The following ZNF592 variants were observed in gnomAD, a reference collection of about 807,000 sequenced individuals.
ZNF592 encodes zinc finger protein 592, also known as spinocerebellar ataxia, autosomal recessive 5.
A neutral mutation model predicts 80.3 loss-of-function variants in ZNF592; 11 were observed. That is an observed-to-expected ratio of 0.14 (90% confidence interval 0.09 to 0.23). The LOEUF (loss-of-function observed/expected upper bound fraction) is 0.23, where lower values mean the gene tolerates loss of function less well. Ranked by LOEUF, ZNF592 falls within the 10% of genes least tolerant of loss-of-function variation. The probability of loss-of-function intolerance (pLI) is 1.00; values close to 1 mark genes in which losing one functional copy is unlikely to be tolerated. For missense variants in ZNF592, 1,420 were observed against 1,633.9 expected (o/e 0.87, Z 2.26); for synonymous variants, 646 against 640.3 (o/e 1.01, Z -0.13).
intron 2 of ZNF592, among the ~76,000 whole-genome samples, chr15:84,767,273 G>A (rs941656381): frequency 1.3e-5 from 2 of 152,096 alleles, no homozygotes; most frequent in East Asian, 1.9e-4. Flanking sequence ...CGATCCGCCC[G>A]CCTCGGCCTC....
At chr15:84,756,633 T>G (rs1403279741) in intron 1 of ZNF592, among the ~76,000 whole-genome samples, 1 of 152,242 alleles carries the variant, frequency 6.6e-6, no homozygotes, top group Non-Finnish European at 1.5e-5. Context: ...GCCTTTGTGC[T>G]GTTATCCTCC....
intron 1 of ZNF592, among the ~76,000 whole-genome samples, chr15:84,756,401 T>C (rs1899171138): frequency 6.6e-6 from 1 of 152,264 alleles, no homozygotes; most frequent in East Asian, 1.9e-4. Context: ...GGTATTCCTT[T>C]ACAAGCCAAA....
Position 84,801,976 on chromosome 15 carries a change from T to C in ZNF592, c.3387T>C (p.Cys1129=). ...RHKSLFQCAK[C]SFATDSGLEF... ...AGTCCCTTTTTCAGTGCGCGAAATG[T>C]AGTTTTGCCACAGACTCGGGGCTCG... Residue 1129 remains cysteine, a synonymous_variant, in exon 11 of 11, where the codon TGT becomes TGC. Coordinates refer to ENST00000560079, the MANE Select transcript of ZNF592 (RefSeq NM_014630.3). 1.2e-6 allele frequency: 2 copies of C among 1,613,964 alleles called. No individual in the cohort carries two copies. Among genetic ancestry groups the C allele is most frequent in the Non-Finnish European group, 1.7e-6 (2 of 1,179,868 alleles).
chr15:84,784,380 G>A lies in ZNF592; in HGVS notation c.1705G>A (p.Ala569Thr). ...LHSSNPVPLY[A>T]PNLSPPADSR... ...CAGCTCCAACCCCGTGCCCCTCTAT[G>A]CGCCAAATCTCAGCCCGCCTGCGGA... Residue 569 changes from alanine to threonine, a missense_variant, in exon 4 of 11, where the codon GCG (alanine) becomes ACG (threonine). Physicochemically the swap from Ala to Thr is moderately conservative, Grantham distance 58. Transcript: ENST00000560079. This position sits in a 1 kb window ranked among gnomAD's most constrained non-coding sequence, Gnocchi z 5.8. 1 of 1,614,166 alleles carries A rather than the reference G, an allele frequency of 6.2e-7. No individual in the cohort carries two copies. Among genetic ancestry groups the A allele is most frequent in the Non-Finnish European group, 8.5e-7 (1 of 1,180,046 alleles).
At chr15:84,800,218 C>T (rs1752246880) in intron 10 of ZNF592, among the ~76,000 whole-genome samples, 1 of 152,206 alleles carries the variant, frequency 6.6e-6, no homozygotes, top group African/African-American at 2.4e-5. Flanking sequence ...CACCACGGCC[C>T]CCTCTGTAGG....
chr15:84,786,945 G>A lies in ZNF592; in HGVS notation c.2220+2050G>A, dbSNP rs925008918. On this transcript the variant is annotated intron_variant, in intron 4 of 10. Transcript: ENST00000560079. ...GGCCCACTGCAGCCTCTGCCTCCTG[G>A]GTTCAAGTGATTCTCCTGCCTCAGC... Among the ~76,000 whole-genome samples, 36 of 149,024 alleles carry A rather than the reference G, an allele frequency of 2.4e-4. 1 individual carries two copies. The highest frequency in any genetic ancestry group is 2.2e-3 in the Admixed American group (32 of 14,690).
intron 5 of ZNF592, among the ~76,000 whole-genome samples, chr15:84,793,627 C>T (rs771167833): frequency 6.6e-6 from 1 of 152,142 alleles, no homozygotes; most frequent in African/African-American, 2.4e-5. Flanking sequence ...CAGAGTTGTG[C>T]AATCACTACA....
chr15:84,753,100 A>G (rs1415183141), intron 1 of ZNF592: 1 of 152,224 alleles, frequency 6.6e-6, no homozygotes, highest in African/African-American at 2.4e-5. Context: ...AATGATTATT[A>G]ATTGATAGAA....
chr15:84,787,032 G>T (rs1046278431), intron 4 of ZNF592, among the ~76,000 whole-genome samples: 1 of 151,778 alleles, frequency 6.6e-6, no homozygotes, highest in South Asian at 2.1e-4. Context: ...TGTATTTTTA[G>T]TAGAGATGGA....
intron 2 of ZNF592, among the ~76,000 whole-genome samples, chr15:84,768,169 C>T (rs1032384006): frequency 2.0e-5 from 3 of 150,690 alleles, no homozygotes; most frequent in Admixed American, 6.6e-5. Flanking sequence ...ATTACAGCCA[C>T]GAGCCATAGT....
chr15:84,793,109 C>T (rs1244235470), intron 5 of ZNF592, among the ~76,000 whole-genome samples: 1 of 151,776 alleles, frequency 6.6e-6, no homozygotes, highest in Non-Finnish European at 1.5e-5. Context: ...TGGAGTCTCG[C>T]TGTGTCACCC....
At chr15:84,764,057 A>G (rs1046408351) in intron 1 of ZNF592, among the ~76,000 whole-genome samples, 1 of 151,952 alleles carries the variant, frequency 6.6e-6, no homozygotes, top group Non-Finnish European at 1.5e-5. Context: ...CTCTTCCTAC[A>G]CTGCTATCTG....
intron 2 of ZNF592, among the ~76,000 whole-genome samples, chr15:84,770,701 A>C (rs971680731): frequency 6.6e-6 from 1 of 152,106 alleles, no homozygotes; most frequent in African/African-American, 2.4e-5. Context: ...TTTAAAAAAA[A>C]AACAACCAAA....
rs1485183783 is a variant in ZNF592, at chr15:84,790,812, C to G, written c.2328C>G (p.Leu776=). 6.2e-7 allele frequency: 1 copy of G among 1,614,108 alleles called. No individual in the cohort carries two copies. ...SPYCCPECGV[L]CRSAYFQTHV... ...ACTGCTGCCCGGAGTGTGGGGTCCT[C>G]TGCCGCTCTGCCTACTTCCAGACCC... Residue 776 remains leucine, a synonymous_variant, in exon 5 of 11, where the codon CTC becomes CTG. Coordinates refer to ENST00000560079, the MANE Select transcript of ZNF592 (RefSeq NM_014630.3).
chr15:84,800,022 G>T lies in ZNF592; in HGVS notation c.3273+45G>T, dbSNP rs779505102. On this transcript the variant is annotated intron_variant, in intron 10 of 10. Coordinates refer to ENST00000560079, the MANE Select transcript of ZNF592 (RefSeq NM_014630.3). ...CTATTGGAGCTGGCTGCTCAGTGAG[G>T]CTTGGAGCTGGAAGGGCATTAGGAA... 23 of 1,613,794 alleles carry T rather than the reference G, an allele frequency of 1.4e-5. No homozygotes were observed. The South Asian group carries it at 2.3e-4, about 16-fold the overall frequency.
intron 1 of ZNF592, among the ~76,000 whole-genome samples, chr15:84,751,037 G>A (rs1726470947): frequency 6.6e-6 from 1 of 152,206 alleles, no homozygotes; most frequent in African/African-American, 2.4e-5. Flanking sequence ...GTAAGGCAAG[G>A]CTTTCTGGGT....
At chr15:84,751,890 G>A (rs1054177383) in intron 1 of ZNF592, among the ~76,000 whole-genome samples, 1 of 152,116 alleles carries the variant, frequency 6.6e-6, no homozygotes, top group African/African-American at 2.4e-5. Flanking sequence ...GGGTGACAGA[G>A]CGAGACTCCA....
intron 1 of ZNF592, among the ~76,000 whole-genome samples, chr15:84,752,569 G>A (rs1899044354): frequency 6.6e-6 from 1 of 152,162 alleles, no homozygotes; most frequent in South Asian, 2.1e-4. Flanking sequence ...AGCCCCCAGT[G>A]TTTGGGGATG....
rs186420533 is a variant in ZNF592, at chr15:84,798,881, T to G, written c.3024+6T>G. Reference sequence around the variant, plus strand: ...TGAAAAAGAGCCACGGTCGGGTAAGTGCAGCCACACAGTCATAATGCAGAG... The same window carrying G: ...TGAAAAAGAGCCACGGTCGGGTAAGGGCAGCCACACAGTCATAATGCAGAG... On this transcript the variant is annotated splice_donor_region_variant and intron_variant, in intron 8 of 10. Transcript: ENST00000560079. The surrounding 1 kb of genome is among the most constrained non-coding windows in gnomAD (Gnocchi z 4.5). 95 of 1,598,024 alleles carry G rather than the reference T, an allele frequency of 5.9e-5. 2 individuals carry two copies. The East Asian group carries it at 1.5e-3, about 25-fold the overall frequency.
Sources: gnomAD v4.1 joint callset for allele counts (sites outside exome capture counted in the v4.1 genomes callset) on GRCh38, gnomAD v4.1.1 for gene constraint, Gnocchi (gnomAD v3.1) non-coding constraint, MANE v1.5 for transcripts, NCBI Gene and HGNC (gene_info 2026-07-23, HGNC 2026-07-21) for gene names.